Variants in MCOLN3 observed in about 807,000 individuals in gnomAD.
MCOLN3 encodes mucolipin TRP cation channel 3, also known as mucolipin-3.
MCOLN3 carries 62 observed loss-of-function variants against 69.4 expected under a neutral mutation model. The ratio of observed to expected loss-of-function variants is 0.89; its 90% CI spans 0.73 to 1.10. The LOEUF is 1.10. Ranked by LOEUF, MCOLN3 falls within the 50% of genes least tolerant of loss-of-function variation. MCOLN3 has a pLI of 0.00. For synonymous variants in MCOLN3, 183 were observed against 217.0 expected (o/e 0.84, Z 1.38); for missense variants, 564 against 656.4 (o/e 0.86, Z 1.54).
At position 85,021,096 on chromosome 1, in the gene MCOLN3, T is replaced by A. The variant is rs1423921480; in HGVS notation, c.1501A>T (p.Ile501Phe). The change falls in exon 12 of 13, where the codon ATC (isoleucine) becomes TTC (phenylalanine). Residue 501 changes from isoleucine (I) to phenylalanine (F), a missense_variant. Ile to Phe is a conservative substitution (Grantham distance 21). Coordinates refer to ENST00000370589, the MANE Select transcript of MCOLN3 (RefSeq NM_018298.11). ...YMILSLFIALITDTYETIKQY... is the reference protein window; with the variant it reads ...YMILSLFIALFTDTYETIKQY... ...TTAATTGTTTCGTATGTATCAGTGA[T>A]CAGTGCAATGAAAAGACTTAAAATC... 6.2e-7 allele frequency: 1 copy of A among 1,610,254 alleles called. No individual in the cohort carries two copies. The highest frequency in any genetic ancestry group is 8.5e-7 in the Non-Finnish European group (1 of 1,178,612).
At chr1:85,043,320 A>T (rs946427562) in intron 2 of MCOLN3, among the ~76,000 whole-genome samples, 1 of 152,156 alleles carries the variant, frequency 6.6e-6, no homozygotes, top group African/African-American at 2.4e-5. Flanking sequence ...ACCTGAGGTC[A>T]GAAGTTCAAG....
In MCOLN3 at chr1:85,032,757, G is replaced by T. The variant is rs759075230; in HGVS notation, c.671C>A (p.Ala224Asp). The stretch of plus-strand genomic sequence containing the variant: ...ATGACGAACTGTCTGCAGATTAATG[G>T]CTTTCAGTTTAAACTGAAGCTCCAC... ...LTVELQFKLK[A>D]INLQTVRHQE... The change falls in exon 6 of 13, where the codon GCC becomes GAC. Residue 224 changes from alanine to aspartate, a missense_variant. Transcript: ENST00000370589. 54 of 1,613,948 alleles carry T rather than the reference G, an allele frequency of 3.3e-5. No homozygotes were observed. Among genetic ancestry groups the T allele is most frequent in the Non-Finnish European group, 4.4e-5 (52 of 1,179,930 alleles).
intron 4 of MCOLN3, among the ~76,000 whole-genome samples, chr1:85,033,637 G>A (rs1652648525): frequency 6.6e-6 from 1 of 152,188 alleles, no homozygotes; most frequent in Admixed American, 6.5e-5. Context: ...CCCCAAAGAT[G>A]CATGATAGTG....
In MCOLN3 at chr1:85,024,301, G is replaced by A. The variant is rs79870321; in HGVS notation, c.1095+1638C>T. On this transcript the variant is annotated intron_variant, in intron 9 of 12. Transcript: ENST00000370589. ...TGAGATATTATCTCTTAAGAAAAGC[G>A]GCAAAAACATGCTAATGGGAATGAC... Among the ~76,000 whole-genome samples the A allele has an allele frequency of 2.2e-4, 33 of 152,218 alleles. No individual in the cohort carries two copies. In the East Asian group the frequency reaches 4.1e-3, roughly 19 times the overall value.
chr1:85,026,226 C>T lies in MCOLN3; in HGVS notation c.891G>A (p.Leu297=). Residue 297 remains leucine, a synonymous_variant, in exon 8 of 13, where the codon TTG becomes TTA. Coordinates refer to ENST00000370589, the MANE Select transcript of MCOLN3 (RefSeq NM_018298.11). Reference sequence around the variant, plus strand: ...ATCTAATGCAGAGGATTAATGAAACCAAGCAAGTCAGAATGACAAAGGCAT... The same window carrying T: ...ATCTAATGCAGAGGATTAATGAAACTAAGCAAGTCAGAATGACAAAGGCAT... ...IFDAFVILTC[L]VSLILCIRSV... is the part of the protein sequence containing the mutation. 6.2e-7 allele frequency: 1 copy of T among 1,614,076 alleles called. No individual in the cohort carries two copies.
Position 85,024,289 on chromosome 1 carries a change from C to CT in MCOLN3, c.1095+1649dup, listed in dbSNP as rs368589629. ...AGGAATTAGGGTTGAGATATTATCTCTTAAGAAAAGCGGCAAAAACATGCT... is the reference window on the plus strand; with the variant it reads ...AGGAATTAGGGTTGAGATATTATCTCTTTAAGAAAAGCGGCAAAAACATGCT... On this transcript the variant is annotated intron_variant, in intron 9 of 12. Coordinates refer to ENST00000370589, the MANE Select transcript of MCOLN3 (RefSeq NM_018298.11). Among the ~76,000 whole-genome samples, 306 of 152,220 alleles carry CT rather than the reference C, an allele frequency of 2.0e-3. 1 individual carries two copies. The highest frequency in any genetic ancestry group is 7.1e-3 in the African/African-American group (296 of 41,528).
chr1:85,025,085 T>C (rs1001229490), intron 9 of MCOLN3: 1 of 152,228 alleles, frequency 6.6e-6, no homozygotes, highest in Admixed American at 6.5e-5. Flanking sequence ...AACACGGCAA[T>C]AATCATGCAG....
intron 9 of MCOLN3, 191 bp from the exon 10 acceptor site, chr1:85,022,591 G>C: frequency 2.1e-6 from 1 of 468,984 alleles, no homozygotes; most frequent in Non-Finnish European, 3.8e-6. Flanking sequence ...TAAGTTAATA[G>C]AAACTTTGGG....
chr1:85,046,516 A>G (rs1365539083), intron 1 of MCOLN3, among the ~76,000 whole-genome samples: 24 of 152,206 alleles, frequency 1.6e-4, no homozygotes, highest in Non-Finnish European at 4.4e-5. Flanking sequence ...TACGGAATAG[A>G]AAGGCAGGCT....
intron 7 of MCOLN3, among the ~76,000 whole-genome samples, chr1:85,028,662 G>C (rs920812963): frequency 3.9e-5 from 6 of 152,154 alleles, no homozygotes; most frequent in Non-Finnish European, 8.8e-5. Flanking sequence ...TAATATGTGG[G>C]ATGCTGCAGG....
Position 85,033,696 on chromosome 1 carries a change from C to A in MCOLN3, c.550+402G>T, listed in dbSNP as rs1021393876. Among the ~76,000 whole-genome samples, 4 of 152,052 alleles carry A rather than the reference C, an allele frequency of 2.6e-5. No individual in the cohort carries two copies. In the South Asian group the frequency reaches 6.2e-4, roughly 24 times the overall value. On this transcript the variant is annotated intron_variant, in intron 4 of 12. Coordinates refer to ENST00000370589, the MANE Select transcript of MCOLN3 (RefSeq NM_018298.11). ...TTTATATATACCAAGAGTTTGCAAG[C>A]ATAATGTTTTACAAACATTATATCT... is the stretch of plus-strand genomic sequence containing the variant.
At chr1:85,033,062 T>A (rs536519251) in intron 4 of MCOLN3, 106 bp from the exon 5 acceptor site, 16 of 991,230 alleles carry the variant, frequency 1.6e-5, no homozygotes, top group Non-Finnish European at 2.4e-5. Context: ...ATTTTTCAGA[T>A]TCTATTATTT....
chr1:85,031,932 C>G (rs1203158377), intron 6 of MCOLN3, among the ~76,000 whole-genome samples: 1 of 151,882 alleles, frequency 6.6e-6, no homozygotes, highest in Non-Finnish European at 1.5e-5. Context: ...AAAAATTAGC[C>G]GGGCATGGTG....
intron 3 of MCOLN3, among the ~76,000 whole-genome samples, chr1:85,037,928 T>C (rs1401553722): frequency 6.6e-6 from 1 of 152,186 alleles, no homozygotes; most frequent in Non-Finnish European, 1.5e-5. Flanking sequence ...GGGTCCCAGG[T>C]CAGCCTTTGA....
chr1:85,026,533 G>A (rs1037565853), intron 7 of MCOLN3, among the ~76,000 whole-genome samples: 16 of 152,074 alleles, frequency 1.1e-4, no homozygotes, highest in Non-Finnish European at 2.2e-4. Context: ...GAGGCAGGCG[G>A]ATCACAAGGT....
chr1:85,031,679 T>C (rs1411949809), intron 6 of MCOLN3, among the ~76,000 whole-genome samples: 1 of 152,132 alleles, frequency 6.6e-6, no homozygotes, highest in Non-Finnish European at 1.5e-5. Flanking sequence ...AACTGGGAGC[T>C]ACACACAGAA....
rs1652602587 is a variant in MCOLN3 at position 85,032,748 on chromosome 1, A to G, written c.680T>C (p.Leu227Pro). Residue 227 changes from leucine to proline, a missense_variant, in exon 6 of 13, where the codon CTG becomes CCG. Leu to Pro is a moderately conservative substitution (Grantham distance 98). Coordinates refer to ENST00000370589, the MANE Select transcript of MCOLN3 (RefSeq NM_018298.11). Reference sequence around the variant, plus strand: ...GAGTTCTTGATGACGAACTGTCTGCAGATTAATGGCTTTCAGTTTAAACTG... The same window carrying G: ...GAGTTCTTGATGACGAACTGTCTGCGGATTAATGGCTTTCAGTTTAAACTG... ...ELQFKLKAIN[L>P]QTVRHQELPD... is the part of the protein sequence containing the mutation. 1 of 1,614,006 alleles carries G rather than the reference A, an allele frequency of 6.2e-7. No individual in the cohort carries two copies.
intron 9 of MCOLN3, chr1:85,024,506 G>A (rs1652114674): frequency 6.6e-6 from 1 of 152,068 alleles, no homozygotes; most frequent in Non-Finnish European, 1.5e-5. Context: ...ATGGCAGGAG[G>A]CAGATAAATT....
intron 1 of MCOLN3, among the ~76,000 whole-genome samples, chr1:85,045,601 C>T (rs1315124861): frequency 6.6e-6 from 1 of 152,140 alleles, no homozygotes; most frequent in Non-Finnish European, 1.5e-5. Flanking sequence ...TTACCAAATT[C>T]AAGGGCTGCT....
Sources: gnomAD v4.1 joint callset for allele counts (sites outside exome capture counted in the v4.1 genomes callset) on GRCh38, gnomAD v4.1.1 for gene constraint, MANE v1.5 for transcripts, NCBI Gene and HGNC (gene_info 2026-07-23, HGNC 2026-07-21) for gene names.